The following ZCCHC10 variants were observed in gnomAD, a reference collection of about 807,000 sequenced individuals.
The protein encoded by ZCCHC10 is zinc finger CCHC domain-containing protein 10.
In ZCCHC10, 16 loss-of-function variants were observed where a neutral mutation model predicts 19.5. That is an observed-to-expected ratio of 0.82 (90% CI 0.56 to 1.25). The LOEUF is 1.25. ZCCHC10 is among the 50% of genes most tolerant of loss of function. ZCCHC10 has a pLI of 0.00. For synonymous variants in ZCCHC10, 67 were observed against 72.5 expected, an observed-to-expected ratio of 0.92 and a Z score of 0.38; for missense variants, 197 against 201.0, an observed-to-expected ratio of 0.98 and a Z score of 0.12.
intron 3 of ZCCHC10, among the ~76,000 whole-genome samples, chr5:133,002,070 C>T (rs1291471357): frequency 1.4e-5 from 2 of 141,070 alleles, no homozygotes; most frequent in Non-Finnish European, 3.0e-5. Context: ...CATGCCATTT[C>T]CTGCCTCAGC....
rs1218008179 is a variant in ZCCHC10, at chr5:133,025,659, G to A, written c.41+838C>T. Among the ~76,000 whole-genome samples the A allele has an allele frequency of 2.0e-5, 3 of 152,058 alleles. No homozygotes were observed. The East Asian group carries it at 5.8e-4, about 29-fold the overall frequency. ...GTAAAAAGTAAGTTTCAGGCTCAAA[G>A]CAATTATGCCACTATCCGGATGCTC... On this transcript the variant is annotated intron_variant, in intron 1 of 4. Coordinates refer to ENST00000509437, the MANE Select transcript of ZCCHC10 (RefSeq NM_001300816.3).
intron 2 of ZCCHC10, among the ~76,000 whole-genome samples, chr5:133,016,596 C>T (rs1212097331): frequency 2.0e-5 from 3 of 152,068 alleles, no homozygotes; most frequent in Non-Finnish European, 4.4e-5. Context: ...GCGCCTGCCA[C>T]CACACCCGGC....
At chr5:133,022,974 G>A in intron 1 of ZCCHC10, 68 bp from the exon 2 acceptor site, 2 of 444,096 alleles carry the variant, frequency 4.5e-6, no homozygotes, top group Middle Eastern at 3.1e-4. Flanking sequence ...TCAATACAAG[G>A]CAGGGGAGGT....
At chr5:133,026,195 G>A (rs1181694961) in intron 1 of ZCCHC10, among the ~76,000 whole-genome samples, 2 of 152,208 alleles carry the variant, frequency 1.3e-5, no homozygotes, top group African/African-American at 2.4e-5. Flanking sequence ...CGTGGGGTTG[G>A]CGGAGGGGCA....
At chr5:133,016,102 A>C (rs191615621) in intron 2 of ZCCHC10, among the ~76,000 whole-genome samples, 241 of 152,270 alleles carry the variant, frequency 1.6e-3, no homozygotes, top group Middle Eastern at 3.4e-3. Context: ...GATTTCTGGT[A>C]CAACAACAAA....
At chr5:133,007,617 T>A (rs1325629872) in intron 2 of ZCCHC10, among the ~76,000 whole-genome samples, 1 of 151,946 alleles carries the variant, frequency 6.6e-6, no homozygotes. Context: ...CTGCCGTCCA[T>A]GTAAGATGTG....
chr5:133,004,879 C>T (rs1452505002), intron 3 of ZCCHC10, among the ~76,000 whole-genome samples: 1 of 152,176 alleles, frequency 6.6e-6, no homozygotes, highest in Non-Finnish European at 1.5e-5. Context: ...TTCCATGTCA[C>T]TCGATTCTCT....
intron 3 of ZCCHC10, among the ~76,000 whole-genome samples, chr5:133,006,342 T>C (rs79611122): frequency 0.029 from 4,483 of 152,232 alleles, 223 homozygotes; most frequent in African/African-American, 0.1. Flanking sequence ...TAGCTTTCCA[T>C]GTCAGCTCAT....
chr5:133,005,315 C>A (rs113764734), intron 3 of ZCCHC10, among the ~76,000 whole-genome samples: 3,073 of 149,522 alleles, frequency 0.021, 110 homozygotes, highest in African/African-American at 0.072. Context: ...ATTTTTTACT[C>A]TAAAAAATTA....
intron 2 of ZCCHC10, among the ~76,000 whole-genome samples, chr5:133,013,584 T>C (rs1763718385): frequency 6.6e-6 from 1 of 151,954 alleles, no homozygotes; most frequent in Admixed American, 6.6e-5. Context: ...TAGCTGGGCA[T>C]GGTGGTGCGC....
rs1335712332 is a variant in ZCCHC10 at position 132,997,947 on chromosome 5, C to T, written c.*636G>A. 6.6e-6 allele frequency: 1 copy of T among 151,950 alleles called. No homozygotes were observed. Among genetic ancestry groups the T allele is most frequent in the Non-Finnish European group, 1.5e-5 (1 of 67,998 alleles). 9.4% of individuals were successfully genotyped at this position (151,950 alleles called of 1,614,324 possible). A position where few individuals can be genotyped will look rare whatever the true frequency, so the allele number is the denominator to read the frequency against. On this transcript the variant is annotated 3_prime_UTR_variant, in exon 5 of 5. Coordinates refer to ENST00000509437, the MANE Select transcript of ZCCHC10 (RefSeq NM_001300816.3). Reference sequence around the variant, plus strand: ...TTTAGGTTCCTCTAGAATAATTTTCCTCAGAAAAGGATAACTTGAAAAACT... The same window carrying T: ...TTTAGGTTCCTCTAGAATAATTTTCTTCAGAAAAGGATAACTTGAAAAACT...
In ZCCHC10 at chr5:133,026,532, C is replaced by T; in HGVS notation, c.6G>A (p.Ala2=). 6.2e-7 allele frequency: 1 copy of T among 1,613,662 alleles called. No individual in the cohort carries two copies. Among genetic ancestry groups the T allele is most frequent in the South Asian group, 1.1e-5 (1 of 90,938 alleles). ...GGGCTATTAGCCGATGCATGGGAGT[C>T]GCCATCTTAGCGCGGTCAAAGCCGG... The part of the protein sequence containing the change: M[A]TPMHRLIARR... The change falls in exon 1 of 5, where the codon GCG becomes GCA. Residue 2 remains alanine (A), a synonymous_variant. Coordinates refer to ENST00000509437, the MANE Select transcript of ZCCHC10 (RefSeq NM_001300816.3).
At position 133,012,637 on chromosome 5, in the gene ZCCHC10, G is replaced by A. The variant is rs147666515; in HGVS notation, c.108-5717C>T. Among the ~76,000 whole-genome samples the A allele has an allele frequency of 2.6e-3, 391 of 151,800 alleles. 2 individuals are homozygous for A. Among genetic ancestry groups the A allele is most frequent in the African/African-American group, 8.3e-3 (342 of 41,394 alleles). On this transcript the variant is annotated intron_variant, in intron 2 of 4. Transcript: ENST00000509437. ...TAGTACAAAAATGGGACTAGGGGCCGGTCACAGTGGCTCATGCCTATAATC... is the reference window on the plus strand; with the variant it reads ...TAGTACAAAAATGGGACTAGGGGCCAGTCACAGTGGCTCATGCCTATAATC...
chr5:133,019,409 T>C (rs1764146461), intron 2 of ZCCHC10, among the ~76,000 whole-genome samples: 1 of 152,198 alleles, frequency 6.6e-6, no homozygotes, highest in Admixed American at 6.6e-5. Flanking sequence ...ATTCAAACAA[T>C]ATTTCATTTC....
chr5:133,007,864 C>A (rs1763227128), intron 2 of ZCCHC10, among the ~76,000 whole-genome samples: 1 of 152,116 alleles, frequency 6.6e-6, no homozygotes, highest in African/African-American at 2.4e-5. Context: ...GAGACTAGGG[C>A]ATTCAGACTA....
At position 133,006,798 on chromosome 5, in the gene ZCCHC10, G is replaced by A; in HGVS notation, c.230C>T (p.Ala77Val). ...RPSRTAELKKALKEKENRLLL... is the reference protein window; with the variant it reads ...RPSRTAELKKVLKEKENRLLL... ...TAATCTGTTTTCTTTTTCTTTTAAA[G>A]CTTTCTTTAGTTCTGCTGTCCTTGA... Residue 77 changes from alanine to valine, a missense_variant, in exon 3 of 5, where the codon GCT (alanine) becomes GTT (valine). Ala to Val is a moderately conservative substitution (Grantham distance 64). Transcript: ENST00000509437. The A allele has an allele frequency of 6.2e-7, 1 of 1,607,798 alleles. No individual in the cohort carries two copies. The highest frequency in any genetic ancestry group is 1.3e-5 in the African/African-American group (1 of 74,630).
intron 2 of ZCCHC10, among the ~76,000 whole-genome samples, chr5:133,014,371 G>T (rs1218156388): frequency 6.6e-6 from 1 of 151,838 alleles, no homozygotes; most frequent in Non-Finnish European, 1.5e-5. Context: ...CTCCATGTTG[G>T]TCAGGCTGGT....
At chr5:133,006,987 A>T in intron 2 of ZCCHC10, 67 bp from the exon 3 acceptor site, 1 of 1,389,132 alleles carries the variant, frequency 7.2e-7, no homozygotes, top group South Asian at 1.6e-5. Context: ...TAAAAACTAT[A>T]AAAAAATATA....
rs1762519306 is a variant in ZCCHC10, at chr5:132,997,799, G to C, written c.*784C>G. 1 of 152,130 alleles carries C rather than the reference G, an allele frequency of 6.6e-6. No homozygotes were observed. Among genetic ancestry groups the C allele is most frequent in the South Asian group, 2.1e-4 (1 of 4,820 alleles). 9.4% of individuals were successfully genotyped at this position (152,130 alleles called of 1,614,324 possible). ...CTTTTATTGCATGTTAATACACAAAGATATTTCTAGCACTTCTATTTAAGT... is the reference window on the plus strand; with the variant it reads ...CTTTTATTGCATGTTAATACACAAACATATTTCTAGCACTTCTATTTAAGT... On this transcript the variant is annotated 3_prime_UTR_variant, in exon 5 of 5. Transcript: ENST00000509437.
Sources: gnomAD v4.1 joint callset for allele counts (sites outside exome capture counted in the v4.1 genomes callset) on GRCh38, gnomAD v4.1.1 for gene constraint, MANE v1.5 for transcripts, NCBI Gene and HGNC (gene_info 2026-07-23, HGNC 2026-07-21) for gene names.